The following SHTN1 variants were observed in gnomAD, a reference collection of about 807,000 sequenced individuals.
SHTN1 encodes shootin-1.
A neutral mutation model predicts 83.1 loss-of-function variants in SHTN1; 42 were observed. The ratio of observed to expected loss-of-function variants is 0.51; its 90% CI spans 0.39 to 0.65. The LOEUF is 0.65. SHTN1 is among the 30% of genes least tolerant of loss of function. The pLI, the probability that SHTN1 is intolerant of heterozygous loss-of-function variation, is 0.00. For synonymous variants in SHTN1, 224 were observed against 247.7 expected, an observed-to-expected ratio of 0.90 and a Z score of 0.90; for missense variants, 622 against 737.8, an observed-to-expected ratio of 0.84 and a Z score of 1.82.
At chr10:117,100,880 C>A (rs1853581589) in intron 1 of SHTN1, among the ~76,000 whole-genome samples, 1 of 152,080 alleles carries the variant, frequency 6.6e-6, no homozygotes, top group African/African-American at 2.4e-5. Flanking sequence ...TGGGAAATGG[C>A]CCGTGTAGCT....
rs369312569 is a variant in SHTN1, at chr10:116,962,420, T to G, written c.173-2190A>C. ...GGAAAGAGAAAAGAAACCTATACAA[T>G]TTTTACAACATCAAATATTACTTTG... On this transcript the variant is annotated intron_variant, in intron 3 of 16. Transcript: ENST00000355371. Among the ~76,000 whole-genome samples the G allele has an allele frequency of 2.8e-4, 43 of 152,270 alleles. 2 individuals are homozygous for G. In the South Asian group the frequency reaches 8.5e-3, roughly 30 times the overall value.
chr10:117,065,706 AG>A (rs1278233895), intron 1 of SHTN1, among the ~76,000 whole-genome samples: 1 of 18,294 alleles, frequency 5.5e-5, no homozygotes, highest in Non-Finnish European at 4.8e-4. Context: ...CAACAAAGCG[AG>A]AGAGAGAGAG....
Position 116,884,409 on chromosome 10 carries a change from G to A in SHTN1, c.*1935C>T. The A allele has an allele frequency of 2.7e-6, 1 of 374,716 alleles. No individual in the cohort carries two copies. Among genetic ancestry groups the A allele is most frequent in the Non-Finnish European group, 5.4e-6 (1 of 183,844 alleles). The allele number at this position is 374,716 out of a possible 1,614,324, so 23.2% of individuals were successfully genotyped here. A position where few individuals can be genotyped will look rare whatever the true frequency, so the allele number is the denominator to read the frequency against. On this transcript the variant is annotated 3_prime_UTR_variant, in exon 17 of 17. Coordinates refer to ENST00000355371, the MANE Select transcript of SHTN1 (RefSeq NM_001127211.3). ...TTGTAATCACAGTGAGAGAAAGTAA[G>A]CAGCTTAAAAAAGGCAGGAATACTT... is the stretch of plus-strand genomic sequence containing the variant.
At chr10:116,980,087 C>A (rs543493180) in intron 1 of SHTN1, among the ~76,000 whole-genome samples, 2 of 152,052 alleles carry the variant, frequency 1.3e-5, no homozygotes, top group South Asian at 4.2e-4. Context: ...AAAACGAAAC[C>A]TAAATCCCCA....
At chr10:116,948,180 T>C (rs531929409) in intron 7 of SHTN1, among the ~76,000 whole-genome samples, 1 of 152,218 alleles carries the variant, frequency 6.6e-6, no homozygotes, top group Non-Finnish European at 1.5e-5. Flanking sequence ...AACTGGGAGA[T>C]ACATGAAACA....
At chr10:117,121,212 A>C (rs1036936845) in intron 1 of SHTN1, among the ~76,000 whole-genome samples, 1 of 152,258 alleles carries the variant, frequency 6.6e-6, no homozygotes, top group Non-Finnish European at 1.5e-5. Context: ...TGAAGATCAA[A>C]GGAGATTACA....
chr10:117,086,024 G>A (rs892057455), intron 1 of SHTN1, among the ~76,000 whole-genome samples: 6 of 150,346 alleles, frequency 4.0e-5, no homozygotes, highest in East Asian at 4.0e-4. Context: ...GGGTTCAAGC[G>A]ATTCTCCTGC....
At chr10:116,991,340 C>T (rs574230213) in intron 1 of SHTN1, among the ~76,000 whole-genome samples, 2 of 152,256 alleles carry the variant, frequency 1.3e-5, no homozygotes, top group South Asian at 4.1e-4. Context: ...ATACCTGAAG[C>T]TGGGTCATTT....
intron 12 of SHTN1, among the ~76,000 whole-genome samples, 184 bp from the exon 13 acceptor site, chr10:116,915,668 T>TA (rs1848358822): frequency 6.6e-6 from 1 of 152,180 alleles, no homozygotes; most frequent in African/African-American, 2.4e-5. Context: ...AAAAAACTTT[T>TA]AGAGAAAAAA....
In SHTN1 at chr10:117,093,639, G is replaced by A. The variant is rs569429162; in HGVS notation, c.-189+32668C>T. Among the ~76,000 whole-genome samples the A allele has an allele frequency of 4.6e-5, 7 of 152,250 alleles. No homozygotes were observed. The East Asian group carries it at 7.7e-4, about 17-fold the overall frequency. On this transcript the variant is annotated intron_variant, in intron 1 of 17. Coordinates refer to the SHTN1 transcript ENST00000392901. ...CGATCTACCCAACCCCAAAGGCTACGGACTTTTTCACGACACCAGGCTCTC... is the reference window on the plus strand; with the variant it reads ...CGATCTACCCAACCCCAAAGGCTACAGACTTTTTCACGACACCAGGCTCTC...
chr10:116,987,022 C>T (rs1369898291), intron 1 of SHTN1, among the ~76,000 whole-genome samples: 2 of 151,910 alleles, frequency 1.3e-5, no homozygotes, highest in Non-Finnish European at 2.9e-5. Context: ...CCACCGTGCC[C>T]GGCCTATTTT....
chr10:116,935,378 G>A (rs959060072), intron 9 of SHTN1, among the ~76,000 whole-genome samples: 3 of 152,126 alleles, frequency 2.0e-5, no homozygotes, highest in Non-Finnish European at 1.5e-5. Flanking sequence ...GCATGAAGGG[G>A]TGTTGAATTT....
chr10:117,089,273 C>T (rs908993448), intron 1 of SHTN1, among the ~76,000 whole-genome samples: 1 of 152,134 alleles, frequency 6.6e-6, no homozygotes, highest in African/African-American at 2.4e-5. Flanking sequence ...AGGCTTGAAA[C>T]AGTACACTTA....
intron 1 of SHTN1, among the ~76,000 whole-genome samples, chr10:117,103,956 A>G (rs1177180585): frequency 6.6e-6 from 1 of 152,202 alleles, no homozygotes. Context: ...AATTAGTATT[A>G]CTAGATTAGG....
intron 12 of SHTN1, among the ~76,000 whole-genome samples, chr10:116,920,683 A>AACCTTG (rs1180874612): frequency 6.6e-6 from 1 of 152,022 alleles, no homozygotes; most frequent in Non-Finnish European, 1.5e-5. Flanking sequence ...GAAATGCCAG[A>AACCTTG]ACCTTGACCT....
intron 1 of SHTN1, among the ~76,000 whole-genome samples, chr10:117,125,698 C>A (rs1451029530): frequency 6.6e-6 from 1 of 152,164 alleles, no homozygotes; most frequent in East Asian, 1.9e-4. Flanking sequence ...CCCTGGGATG[C>A]CCTGGTTAAG....
chr10:117,083,528 C>T (rs954019034), intron 1 of SHTN1, among the ~76,000 whole-genome samples: 1 of 151,834 alleles, frequency 6.6e-6, no homozygotes, highest in Non-Finnish European at 1.5e-5. Context: ...AGTTGCTCTT[C>T]TCGAGGAGTA....
intron 1 of SHTN1, among the ~76,000 whole-genome samples, chr10:117,052,758 G>A (rs11197878): frequency 0.65 from 98,581 of 151,174 alleles, 35,916 homozygotes; most frequent in Middle Eastern, 0.85. Context: ...GGTGGCTCAC[G>A]CCTCTAATCC....
intron 1 of SHTN1, among the ~76,000 whole-genome samples, chr10:117,075,890 A>G (rs755599897): frequency 1.3e-5 from 2 of 152,198 alleles, no homozygotes; most frequent in Non-Finnish European, 2.9e-5. Context: ...TTTTAGAAAG[A>G]TAACTTTAGA....
Sources: gnomAD v4.1 joint callset for allele counts (sites outside exome capture counted in the v4.1 genomes callset) on GRCh38, gnomAD v4.1.1 for gene constraint, MANE v1.5 for transcripts, NCBI Gene and HGNC (gene_info 2026-07-23, HGNC 2026-07-21) for gene names.